The following DAB2IP variants were observed in gnomAD, a reference collection of about 807,000 sequenced individuals.
The protein encoded by DAB2IP is DAB2 interacting protein, also known as disabled homolog 2-interacting protein.
DAB2IP carries 28 observed loss-of-function variants against 107.2 expected under a neutral mutation model. That is an observed-to-expected ratio of 0.26 (90% CI 0.19 to 0.36). The LOEUF is 0.36. DAB2IP is among the 10% of genes least tolerant of loss of function. The pLI is 1.00. For missense variants in DAB2IP, 1,400 were observed against 1,644.7 expected (o/e 0.85, Z 2.57); for synonymous variants, 755 against 706.4 (o/e 1.07, Z -1.09).
At chr9:121,724,285 A>C (rs1483667880) in intron 3 of DAB2IP, among the ~76,000 whole-genome samples, 13 of 142,566 alleles carry the variant, frequency 9.1e-5, no homozygotes, top group African/African-American at 2.4e-4. Context: ...CACTTCCCCC[A>C]CCCCTCCCCG....
intron 2 of DAB2IP, among the ~76,000 whole-genome samples, chr9:121,693,288 CTG>C (rs1205964967): frequency 2.0e-5 from 3 of 152,282 alleles, no homozygotes; most frequent in South Asian, 2.1e-4. Context: ...GACTCTCACT[CTG>C]TGACTCTGGA....
intron 3 of DAB2IP, chr9:121,737,399 C>T: frequency 1.0e-6 from 1 of 985,448 alleles, no homozygotes; most frequent in Non-Finnish European, 1.2e-6. Context: ...TTTGAAATTT[C>T]AGCTTGGAAG....
intron 1 of DAB2IP, among the ~76,000 whole-genome samples, chr9:121,612,626 TCC>T (rs1831134910): frequency 6.6e-6 from 1 of 152,132 alleles, no homozygotes; most frequent in Non-Finnish European, 1.5e-5. Context: ...CAGCTGCTGC[TCC>T]TCCCTCTCTC....
At chr9:121,627,278 C>T (rs541161665) in intron 1 of DAB2IP, among the ~76,000 whole-genome samples, 11 of 152,056 alleles carry the variant, frequency 7.2e-5, no homozygotes, top group Admixed American at 1.3e-4. Flanking sequence ...TTCCACCTCG[C>T]GCTGCAGAAC....
intron 3 of DAB2IP, among the ~76,000 whole-genome samples, chr9:121,705,416 TG>T (rs554540738): frequency 7.4e-4 from 113 of 152,368 alleles, no homozygotes; most frequent in African/African-American, 2.7e-3. Context: ...ATAAAGTTGC[TG>T]TTTTGGGAGG....
chr9:121,772,707 T>C lies in DAB2IP; in HGVS notation c.2179T>C (p.Ser727Pro). The C allele has an allele frequency of 1.2e-6, 2 of 1,613,962 alleles. No individual in the cohort carries two copies. Among genetic ancestry groups the C allele is most frequent in the Non-Finnish European group, 1.7e-6 (2 of 1,180,016 alleles). ...GGTCCAGCCCTCACCTGCCCGCAGCTCGAGTTACTCGGAAGCCAACGAGCC... is the reference window on the plus strand; with the variant it reads ...GGTCCAGCCCTCACCTGCCCGCAGCCCGAGTTACTCGGAAGCCAACGAGCC... The change falls in exon 12 of 16, where the codon TCG (serine) becomes CCG (proline). Residue 727 changes from serine to proline, a missense_variant. Physicochemically the swap from Ser to Pro is moderately conservative, Grantham distance 74 (BLOSUM62 -1). Coordinates refer to ENST00000408936, the Ensembl canonical transcript of DAB2IP. The surrounding 1 kb of genome is among the most constrained non-coding windows in gnomAD (Gnocchi z 4.7).
At chr9:121,656,515 CTCT>C (rs904177511) in intron 1 of DAB2IP, among the ~76,000 whole-genome samples, 20 of 152,362 alleles carry the variant, frequency 1.3e-4, no homozygotes, top group African/African-American at 4.6e-4. Context: ...TCTGCCTTGT[CTCT>C]TCTTCTGTTT....
chr9:121,711,120 C>T (rs1238896919), intron 3 of DAB2IP, among the ~76,000 whole-genome samples: 9 of 152,186 alleles, frequency 5.9e-5, no homozygotes, highest in African/African-American at 1.7e-4. Context: ...GCCAGGGGTG[C>T]ACTTGAAAGG....
intron 2 of DAB2IP, among the ~76,000 whole-genome samples, chr9:121,687,258 C>T (rs1474821655): frequency 6.6e-6 from 1 of 152,190 alleles, no homozygotes; most frequent in Non-Finnish European, 1.5e-5. Context: ...CTGGCTGTGC[C>T]AGCTGGGCCT....
intron 1 of DAB2IP, among the ~76,000 whole-genome samples, chr9:121,618,082 C>T (rs548464050): frequency 2.6e-5 from 4 of 152,282 alleles, no homozygotes; most frequent in South Asian, 4.1e-4. Context: ...AGAAGGCCCC[C>T]CTCAAGCTGG....
chr9:121,754,001 G>A (rs1833307690), intron 3 of DAB2IP, among the ~76,000 whole-genome samples: 1 of 152,196 alleles, frequency 6.6e-6, no homozygotes, highest in Non-Finnish European at 1.5e-5. Flanking sequence ...CCAGGGTAGG[G>A]GAGAAGCCTG....
chr9:121,690,957 A>T (rs904382763), intron 2 of DAB2IP, among the ~76,000 whole-genome samples: 7 of 152,032 alleles, frequency 4.6e-5, no homozygotes, highest in African/African-American at 1.7e-4. Context: ...GAATGCCTTT[A>T]TGTGGCTATC....
chr9:121,773,622 C>A (rs990381967), intron 12 of DAB2IP, 127 bp downstream of exon 12: 3 of 1,189,398 alleles, frequency 2.5e-6, no homozygotes, highest in African/African-American at 1.6e-5. Context: ...CCCATCCCAC[C>A]AGCCTGCCAC....
chr9:121,657,499 C>A (rs1833016705), intron 1 of DAB2IP, among the ~76,000 whole-genome samples: 1 of 152,236 alleles, frequency 6.6e-6, no homozygotes. Flanking sequence ...GTTCTCCAAT[C>A]CTCCTAGCAG....
intron 3 of DAB2IP, among the ~76,000 whole-genome samples, chr9:121,722,577 GA>G (rs1234947196): frequency 1.3e-5 from 2 of 152,206 alleles, no homozygotes; most frequent in African/African-American, 4.8e-5. Context: ...TTGGGCCAGA[GA>G]GGGGACTGAA....
intron 1 of DAB2IP, among the ~76,000 whole-genome samples, chr9:121,596,779 G>A (rs1227879072): frequency 6.6e-6 from 1 of 152,140 alleles, no homozygotes. Context: ...GGTCACTGGG[G>A]TATGTGCACT....
At chr9:121,768,402 G>A (rs1294057068) in intron 9 of DAB2IP, 30 bp from the exon 10 acceptor site, 2 of 1,613,420 alleles carry the variant, frequency 1.2e-6, no homozygotes, top group African/African-American at 1.3e-5. Flanking sequence ...CCTGGGCCCA[G>A]TAGTGCTCAC....
intron 1 of DAB2IP, among the ~76,000 whole-genome samples, chr9:121,644,413 A>G (rs889403913): frequency 6.6e-6 from 1 of 151,976 alleles, no homozygotes; most frequent in African/African-American, 2.4e-5. Context: ...CCTGGCCAAC[A>G]TGGCGAAACC....
At chr9:121,753,858 G>A (rs1833299134) in intron 3 of DAB2IP, among the ~76,000 whole-genome samples, 1 of 152,318 alleles carries the variant, frequency 6.6e-6, no homozygotes, top group South Asian at 2.1e-4. Flanking sequence ...GCCTATCCCT[G>A]CCCCTTTGGA....
Sources: allele counts gnomAD v4.1 joint callset (sites outside exome capture counted in the v4.1 genomes callset), GRCh38; gene constraint gnomAD v4.1.1; non-coding constraint Gnocchi (gnomAD v3.1); transcripts MANE v1.5; gene names NCBI Gene and HGNC (gene_info 2026-07-23, HGNC 2026-07-21).